The following ERC1 variants were observed in gnomAD, a reference collection of about 807,000 sequenced individuals.
The protein encoded by ERC1 is ELKS/RAB6-interacting/CAST family member 1, also known as RAB6 interacting protein 2.
ERC1 carries 56 observed loss-of-function variants against 132.0 expected under a neutral mutation model. That is an observed-to-expected ratio of 0.42 (90% CI 0.34 to 0.53). The LOEUF is 0.53. Among genes scored for constraint, ERC1 ranks in the 20% least tolerant of loss-of-function variants. ERC1 has a pLI of 0.03. For synonymous variants in ERC1, 478 were observed against 476.1 expected (o/e 1.00, Z -0.05); for missense variants, 1,202 against 1,349.9 (o/e 0.89, Z 1.72).
At chr12:1,298,542 C>CAA (rs759796167) in intron 15 of ERC1, among the ~76,000 whole-genome samples, 1,618 of 74,592 alleles carry the variant, frequency 0.022, 45 homozygotes, top group African/African-American at 0.058. Context: ...GACTCTGTCA[C>CAA]AAAAAAAAAA....
At chr12:996,519 C>T (rs1960941951) in intron 1 of ERC1, among the ~76,000 whole-genome samples, 1 of 151,886 alleles carries the variant, frequency 6.6e-6, no homozygotes, top group South Asian at 2.1e-4. Context: ...GAGATCAAGG[C>T]TGTAGTGTGC....
intron 15 of ERC1, among the ~76,000 whole-genome samples, chr12:1,317,163 A>T (rs2081800904): frequency 7.6e-6 from 1 of 131,938 alleles, no homozygotes; most frequent in Admixed American, 7.4e-5. Context: ...CTCTGTCTCA[A>T]AAACGAAAAA....
At chr12:1,293,175 C>T (rs2079589647) in intron 15 of ERC1, among the ~76,000 whole-genome samples, 1 of 147,800 alleles carries the variant, frequency 6.8e-6, no homozygotes, top group Non-Finnish European at 1.5e-5. Context: ...CCAGGCATGG[C>T]TGGGCACGGT....
At chr12:1,349,887 GT>G (rs1312346581) in intron 15 of ERC1, among the ~76,000 whole-genome samples, 2 of 152,150 alleles carry the variant, frequency 1.3e-5, no homozygotes, top group African/African-American at 2.4e-5. Context: ...TTGGTTTAAA[GT>G]ACATGTAATT....
intron 14 of ERC1, among the ~76,000 whole-genome samples, chr12:1,275,970 A>G (rs556335242): frequency 6.6e-6 from 1 of 152,126 alleles, no homozygotes; most frequent in African/African-American, 2.4e-5. Context: ...TTTCTTTATA[A>G]TATTATTCAG....
At chr12:1,357,939 C>G (rs1033690539) in intron 15 of ERC1, among the ~76,000 whole-genome samples, 1 of 152,128 alleles carries the variant, frequency 6.6e-6, no homozygotes, top group Non-Finnish European at 1.5e-5. Context: ...AAATCCCTAA[C>G]AGAAACTCCC....
chr12:1,338,445 CT>C (rs2083492454), intron 15 of ERC1, among the ~76,000 whole-genome samples: 1 of 152,154 alleles, frequency 6.6e-6, no homozygotes, highest in Non-Finnish European at 1.5e-5. Flanking sequence ...TATTGTTGTA[CT>C]GTGATTCTTC....
chr12:1,077,385 A>T (rs1010497811), intron 2 of ERC1, among the ~76,000 whole-genome samples: 5 of 152,194 alleles, frequency 3.3e-5, no homozygotes, highest in Non-Finnish European at 5.9e-5. Flanking sequence ...AAAATATATG[A>T]ATAGTAGTTG....
intron 13 of ERC1, among the ~76,000 whole-genome samples, chr12:1,239,128 TGACA>T (rs767306400): frequency 5.4e-4 from 82 of 152,358 alleles, no homozygotes; most frequent in South Asian, 4.8e-3. Flanking sequence ...TTTACTTATT[TGACA>T]GACAGTCTTA....
chr12:1,257,890 T>A (rs1018135814), intron 13 of ERC1, among the ~76,000 whole-genome samples: 1 of 152,178 alleles, frequency 6.6e-6, no homozygotes, highest in Non-Finnish European at 1.5e-5. Flanking sequence ...TTTCAACATA[T>A]AATCAATATG....
intron 7 of ERC1, among the ~76,000 whole-genome samples, chr12:1,121,675 CTA>C (rs1323919443): frequency 3.4e-4 from 2 of 5,878 alleles, no homozygotes; most frequent in African/African-American, 6.1e-4. Flanking sequence ...ATCTCTATCT[CTA>C]TCTATCTCTA....
chr12:1,274,977 C>T (rs924854669), intron 14 of ERC1, among the ~76,000 whole-genome samples: 4 of 152,024 alleles, frequency 2.6e-5, no homozygotes, highest in African/African-American at 9.7e-5. Flanking sequence ...GTGGAGTGTA[C>T]TAAGTCAAAG....
intron 15 of ERC1, among the ~76,000 whole-genome samples, chr12:1,293,143 C>CA (rs1219991623): frequency 0.038 from 3,605 of 95,122 alleles, 93 homozygotes; most frequent in Non-Finnish European, 0.049. Context: ...GACTCCATCT[C>CA]AAAAAAAAAA....
chr12:1,355,677 G>A (rs116568810), intron 15 of ERC1, among the ~76,000 whole-genome samples: 262 of 152,306 alleles, frequency 1.7e-3, no homozygotes, highest in African/African-American at 5.9e-3. Flanking sequence ...AAGAGAAAGC[G>A]TCTTGTCTTT....
intron 8 of ERC1, among the ~76,000 whole-genome samples, chr12:1,160,708 CA>C (rs539882749): frequency 4.3e-4 from 63 of 147,188 alleles, no homozygotes; most frequent in Admixed American, 8.8e-4. Context: ...AAGACTCTGC[CA>C]AAAAAAAAAT....
intron 15 of ERC1, among the ~76,000 whole-genome samples, chr12:1,356,213 AGTGTG>A (rs1489710211): frequency 5.4e-5 from 7 of 130,010 alleles, no homozygotes; most frequent in Non-Finnish European, 9.2e-5. Flanking sequence ...AAAAAAAAAA[AGTGTG>A]TGTGTGTGTG....
At chr12:1,280,777 G>A (rs558459618) in intron 14 of ERC1, among the ~76,000 whole-genome samples, 8 of 152,268 alleles carry the variant, frequency 5.3e-5, no homozygotes, top group South Asian at 2.1e-4. Context: ...ACGCACTTAC[G>A]TGATGTTTAT....
At chr12:1,153,449 G>T (rs1951019188) in intron 8 of ERC1, among the ~76,000 whole-genome samples, 1 of 152,252 alleles carries the variant, frequency 6.6e-6, no homozygotes, top group African/African-American at 2.4e-5. Context: ...ATTCCAAAGA[G>T]ATTGTGGATT....
intron 2 of ERC1, among the ~76,000 whole-genome samples, chr12:1,082,783 C>T (rs948995791): frequency 5.9e-5 from 9 of 152,176 alleles, no homozygotes; most frequent in East Asian, 3.8e-4. Context: ...TGAGCCACCA[C>T]GCCCGGCTGT....
Sources: gnomAD v4.1 joint callset for allele counts (sites outside exome capture counted in the v4.1 genomes callset) on GRCh38, gnomAD v4.1.1 for gene constraint, MANE v1.5 for transcripts, NCBI Gene and HGNC (gene_info 2026-07-23, HGNC 2026-07-21) for gene names.